The following COL18A1 variants were observed in gnomAD, a reference collection of about 807,000 sequenced individuals.
The protein encoded by COL18A1 is collagen alpha-1(XVIII) chain.
COL18A1 carries 133 observed loss-of-function variants against 168.0 expected under a neutral mutation model. The ratio of observed to expected loss-of-function variants is 0.79; its 90% CI spans 0.69 to 0.91. The LOEUF is 0.91. Ranked by LOEUF, COL18A1 falls within the 40% of genes least tolerant of loss-of-function variation. The pLI, the probability that COL18A1 is intolerant of heterozygous loss-of-function variation, is 0.00. For missense variants in COL18A1, 2,126 were observed against 1,925.4 expected (o/e 1.10, Z -1.95); for synonymous variants, 949 against 809.0 (o/e 1.17, Z -2.94).
chr21:45,438,339 C>T (rs1348208689), intron 2 of COL18A1, among the ~76,000 whole-genome samples: 1 of 36,464 alleles, frequency 2.7e-5, no homozygotes, highest in East Asian at 1.8e-3. Flanking sequence ...CACACACACA[C>T]TCACACACTC....
chr21:45,433,873 G>A (rs1330617658), intron 2 of COL18A1, among the ~76,000 whole-genome samples: 1 of 152,220 alleles, frequency 6.6e-6, no homozygotes, highest in East Asian at 1.9e-4. Flanking sequence ...AGGCTGAGGG[G>A]CACTGAGCAG....
chr21:45,441,758 C>T (rs919717040), intron 2 of COL18A1, among the ~76,000 whole-genome samples: 2 of 152,274 alleles, frequency 1.3e-5, no homozygotes, highest in African/African-American at 2.4e-5. Context: ...CACCTGTCCC[C>T]CTCAGACGCC....
At chr21:45,441,155 C>T (rs1285568874) in intron 2 of COL18A1, among the ~76,000 whole-genome samples, 4 of 152,192 alleles carry the variant, frequency 2.6e-5, no homozygotes, top group Admixed American at 6.5e-5. Context: ...GCTGCAGCTG[C>T]CCAGACCTGG....
At chr21:45,500,675 TGTG>T (rs753405987) in intron 32 of COL18A1, among the ~76,000 whole-genome samples, 5 of 30,758 alleles carry the variant, frequency 1.6e-4, no homozygotes, top group Non-Finnish European at 3.5e-4. Context: ...GGGTGTGTAG[TGTG>T]GGGGTGTGGT....
rs1285574141 is a variant in COL18A1, at chr21:45,425,736, G to A, written c.106+20263G>A. ...GGAAACATCCCTGGGGGCCTGTGGT[G>A]ACCCCCATCCTCCCCAGGGTGGTCT... On this transcript the variant is annotated intron_variant, in intron 2 of 41. Coordinates refer to ENST00000651438, the MANE Select transcript of COL18A1 (RefSeq NM_001379500.1). The surrounding 1 kb of genome is among the most constrained non-coding windows in gnomAD (Gnocchi z 4.1). Among the ~76,000 whole-genome samples the A allele has an allele frequency of 6.6e-6, 1 of 152,174 alleles. No homozygotes were observed. The highest frequency in any genetic ancestry group is 1.5e-5 in the Non-Finnish European group (1 of 68,030).
intron 2 of COL18A1, among the ~76,000 whole-genome samples, chr21:45,431,136 T>C (rs948122058): frequency 6.6e-6 from 1 of 151,956 alleles, no homozygotes; most frequent in Non-Finnish European, 1.5e-5. Context: ...CATAGCGGCT[T>C]ATCTGGGCTG....
intron 2 of COL18A1, among the ~76,000 whole-genome samples, chr21:45,446,384 C>T (rs373233444): frequency 1.3e-5 from 2 of 152,188 alleles, no homozygotes; most frequent in African/African-American, 2.4e-5. Flanking sequence ...TAATCCAATA[C>T]TATGAACAAA....
rs576798012 is a variant in COL18A1, at chr21:45,500,033, G to C, written c.2683+2372G>C. ...TACAAGAGACGCTCCCCGAACGTGA[G>C]GGCTGGAGAGGTCGAGGCACCCAGA... On this transcript the variant is annotated intron_variant, in intron 32 of 41. Transcript: ENST00000651438. 2.0e-5 allele frequency among the ~76,000 whole-genome samples: 3 copies of C among 152,268 alleles called. No individual in the cohort carries two copies. In the South Asian group the frequency reaches 6.2e-4, roughly 32 times the overall value.
At chr21:45,445,600 C>T (rs1488559072) in intron 2 of COL18A1, among the ~76,000 whole-genome samples, 2 of 152,374 alleles carry the variant, frequency 1.3e-5, no homozygotes, top group East Asian at 3.9e-4. Context: ...GATTTCGCCA[C>T]ATCTTTGCCA....
chr21:45,507,727 G>C, intron 38 of COL18A1, 134 bp downstream of exon 38: 1 of 858,540 alleles, frequency 1.2e-6, no homozygotes, highest in Non-Finnish European at 1.9e-6. Flanking sequence ...ATCAGCCCCT[G>C]CTGCAGAAAC....
chr21:45,499,914 G>A (rs2036682375), intron 32 of COL18A1, among the ~76,000 whole-genome samples: 1 of 152,232 alleles, frequency 6.6e-6, no homozygotes, highest in South Asian at 2.1e-4. Context: ...TTTAGGTCCC[G>A]ATACATCTAC....
intron 2 of COL18A1, among the ~76,000 whole-genome samples, chr21:45,437,688 G>A (rs1313657424): frequency 3.1e-5 from 1 of 32,700 alleles, no homozygotes; most frequent in Non-Finnish European, 5.1e-5. Context: ...GCACTCTCCT[G>A]CACACACACA....
chr21:45,418,829 G>T, intron 2 of COL18A1, among the ~76,000 whole-genome samples: 1 of 151,860 alleles, frequency 6.6e-6, no homozygotes. Flanking sequence ...CTGTGCCTGC[G>T]GCCCTGCGAG....
chr21:45,456,187 T>TCTCTCCTCCTTGCTGGGCGGGGAG, intron 2 of COL18A1: 2 of 1,598,514 alleles, frequency 1.3e-6, no homozygotes, highest in Non-Finnish European at 1.7e-6. Context: ...GTAGAGCTTC[T>TCTCTCCTCCTTGCTGGGCGGGGAG]CTCTCCTCCT....
Position 45,437,725 on chromosome 21 carries a change from CCTG to C in COL18A1, c.107-30515_107-30513del, listed in dbSNP as rs1301968067. Reference sequence around the variant, plus strand: ...ACACACTCAGACACACAGGCACTCTCCTGCACACACACACTCACACACTCAGAC... The same window carrying C: ...ACACACTCAGACACACAGGCACTCTCCACACACACACTCACACACTCAGAC... On this transcript the variant is annotated intron_variant, in intron 2 of 41. Transcript: ENST00000651438. Among the ~76,000 whole-genome samples, 3 of 76,888 alleles carry C rather than the reference CCTG, an allele frequency of 3.9e-5. 1 individual carries two copies. The highest frequency in any genetic ancestry group is 7.1e-5 in the Non-Finnish European group (3 of 42,282). The allele number at this position is 76,888 out of a possible 152,430, so 50.4% of individuals were successfully genotyped here.
chr21:45,476,931 G>T (rs1366055242), intron 6 of COL18A1, among the ~76,000 whole-genome samples: 26 of 151,640 alleles, frequency 1.7e-4, no homozygotes, highest in East Asian at 1.2e-3. Flanking sequence ...TTGTGTGTGT[G>T]TGTGTGTGTG....
At chr21:45,492,646 G>C (rs755160231) in intron 23 of COL18A1, 41 bp from the exon 24 acceptor site, 1 of 1,611,340 alleles carries the variant, frequency 6.2e-7, no homozygotes, top group South Asian at 1.1e-5. Context: ...AGGCGCGAGG[G>C]TGCGTGATGA....
chr21:45,464,363 C>T (rs1464904665), intron 2 of COL18A1, among the ~76,000 whole-genome samples: 2 of 152,182 alleles, frequency 1.3e-5, no homozygotes, highest in Non-Finnish European at 2.9e-5. Flanking sequence ...AAGGCAGGCC[C>T]TCGGCAAGAC....
intron 2 of COL18A1, among the ~76,000 whole-genome samples, chr21:45,433,141 A>G (rs1426341794): frequency 6.6e-6 from 1 of 152,192 alleles, no homozygotes; most frequent in African/African-American, 2.4e-5. Flanking sequence ...ACACCCTTTC[A>G]TGTTTGATTC....
Sources: allele counts gnomAD v4.1 joint callset (sites outside exome capture counted in the v4.1 genomes callset), GRCh38; gene constraint gnomAD v4.1.1; non-coding constraint Gnocchi (gnomAD v3.1); transcripts MANE v1.5; gene names NCBI Gene and HGNC (gene_info 2026-07-23, HGNC 2026-07-21).